Variants in SAMD4B observed in about 807,000 individuals in gnomAD.
SAMD4B encodes protein Smaug homolog 2.
A neutral mutation model predicts 74.5 loss-of-function variants in SAMD4B; 5 were observed. The ratio of observed to expected loss-of-function variants is 0.07; its 90% CI spans 0.04 to 0.14. The LOEUF (loss-of-function observed/expected upper bound fraction) is 0.14. Among genes scored for constraint, SAMD4B ranks in the 10% least tolerant of loss-of-function variants. The pLI, the probability that SAMD4B is intolerant of heterozygous loss-of-function variation, is 1.00. For synonymous variants in SAMD4B, 373 were observed against 374.9 expected (o/e 1.00, Z 0.06); for missense variants, 608 against 921.8 (o/e 0.66, Z 4.41).
chr19:39,379,750 T>C (rs1057054699), intron 9 of SAMD4B, among the ~76,000 whole-genome samples: 1 of 152,128 alleles, frequency 6.6e-6, no homozygotes, highest in South Asian at 2.1e-4. Flanking sequence ...TTTGTACTTT[T>C]AGTAGAGGTG....
intron 5 of SAMD4B, 78 bp from the exon 6 acceptor site, chr19:39,376,358 GT>G: frequency 8.1e-7 from 1 of 1,239,078 alleles, no homozygotes. Context: ...CTTCCTGTGG[GT>G]TTATCCCCAC....
chr19:39,356,791 C>T lies in SAMD4B; in HGVS notation c.-103C>T. ...CCACGCCCAGAAACGTCCTTAAGCCCTGGCCCTCAGGGGAAAGGTAACAGG... is the reference window on the plus strand; with the variant it reads ...CCACGCCCAGAAACGTCCTTAAGCCTTGGCCCTCAGGGGAAAGGTAACAGG... On this transcript the variant is annotated 5_prime_UTR_variant, in exon 3 of 14. Transcript: ENST00000610417. 2 of 1,005,930 alleles carry T rather than the reference C, an allele frequency of 2.0e-6. No individual in the cohort carries two copies. The highest frequency in any genetic ancestry group is 2.9e-6 in the Non-Finnish European group (2 of 698,366). 62.3% of individuals were successfully genotyped at this position (1,005,930 alleles called of 1,614,324 possible).
At chr19:39,368,101 C>G (rs978786202) in intron 3 of SAMD4B, among the ~76,000 whole-genome samples, 2 of 151,906 alleles carry the variant, frequency 1.3e-5, no homozygotes, top group African/African-American at 4.8e-5. Flanking sequence ...GTAGTCCCAG[C>G]TACTCGGGAG....
At position 39,356,799 on chromosome 19, in the gene SAMD4B, CAG is replaced by C. The variant is rs986108249; in HGVS notation, c.-94_-93del. The C allele has an allele frequency of 1.0e-5, 11 of 1,096,290 alleles. No homozygotes were observed. The highest frequency in any genetic ancestry group is 5.7e-5 in the Admixed American group (2 of 35,038). The allele number at this position is 1,096,290 out of a possible 1,614,324, so 67.9% of individuals were successfully genotyped here. A position where few individuals can be genotyped will look rare whatever the true frequency, so the allele number is the denominator to read the frequency against. On this transcript the variant is annotated 5_prime_UTR_variant, in exon 3 of 14. Coordinates refer to ENST00000610417, the MANE Select transcript of SAMD4B (RefSeq NM_001384574.2). ...AGAAACGTCCTTAAGCCCTGGCCCT[CAG>C]GGGAAAGGTAACAGGAGGCCAGAGC...
chr19:39,390,369 A>G, downstream of SAMD4B: 1 of 1,334,342 alleles, frequency 7.5e-7, no homozygotes, highest in Non-Finnish European at 1.0e-6. Flanking sequence ...CCAACCTTTC[A>G]AAAGGTAGGA....
downstream of SAMD4B, chr19:39,386,374 CACT>C (rs2078249463): frequency 3.1e-6 from 5 of 1,614,174 alleles, no homozygotes; most frequent in Non-Finnish European, 3.4e-6. This position sits in a 1 kb window ranked among gnomAD's most constrained non-coding sequence, Gnocchi z 6.1. Flanking sequence ...CCCTCCTTCT[CACT>C]GCTGCTGCCC....
At chr19:39,390,648 C>CG (rs1469661791), downstream of SAMD4B, among the ~76,000 whole-genome samples, 1 of 152,206 alleles carries the variant, frequency 6.6e-6, no homozygotes, top group Non-Finnish European at 1.5e-5. Context: ...AATCCCTGAA[C>CG]TGCACGGCGG....
rs572971217 is a variant in SAMD4B at position 39,378,959 on chromosome 19, G to A, written c.1530+370G>A. 2.0e-5 allele frequency among the ~76,000 whole-genome samples: 3 copies of A among 152,306 alleles called. No individual in the cohort carries two copies. Among genetic ancestry groups the A allele is most frequent in the South Asian group, 4.1e-4 (2 of 4,832 alleles). On this transcript the variant is annotated intron_variant, in intron 9 of 13. Coordinates refer to ENST00000610417, the MANE Select transcript of SAMD4B (RefSeq NM_001384574.2). The surrounding 1 kb of genome is among the most constrained non-coding windows in gnomAD (Gnocchi z 4.4). The stretch of plus-strand genomic sequence containing the variant: ...TGTGGCCCATAGGGCCTTACCTGAC[G>A]TGGCACATGCCAGCCCTTCCAGTCT...
rs184771116 is a variant in SAMD4B at position 39,361,058 on chromosome 19, C to T, written c.196+3969C>T. On this transcript the variant is annotated intron_variant, in intron 3 of 13. Coordinates refer to ENST00000610417, the MANE Select transcript of SAMD4B (RefSeq NM_001384574.2). ...CTGACCCTCTCGGGCCTCAGGATCC[C>T]CATTTGGACAGTGAGGGGGTTGTTC... Among the ~76,000 whole-genome samples the T allele has an allele frequency of 3.0e-3, 452 of 152,256 alleles. 2 individuals carry two copies. Among genetic ancestry groups the T allele is most frequent in the Non-Finnish European group, 5.0e-3 (337 of 68,008 alleles).
chr19:39,386,634 C>A (rs1195380739), downstream of SAMD4B: 1 of 1,603,906 alleles, frequency 6.2e-7, no homozygotes, highest in African/African-American at 1.3e-5. The surrounding 1 kb of genome is among the most constrained non-coding windows in gnomAD (Gnocchi z 6.1). Flanking sequence ...TTGTCCCCCT[C>A]CTCACCTACA....
chr19:39,343,669 A>G (rs761680944), intron 1 of SAMD4B, among the ~76,000 whole-genome samples: 1 of 150,764 alleles, frequency 6.6e-6, no homozygotes, highest in African/African-American at 2.4e-5. Flanking sequence ...CACTCATTCT[A>G]AAAATCTCCA....
Position 39,356,724 on chromosome 19 carries a change from C to G in SAMD4B, c.-170C>G, listed in dbSNP as rs547757321. On this transcript the variant is annotated 5_prime_UTR_variant, in exon 3 of 14. Transcript: ENST00000610417. ...AGGCGTGGCTGGACCAAGACCTCCC[C>G]CCATGTGAGCAGGCTTCCTCCTCCC... The G allele has an allele frequency of 8.8e-6, 5 of 570,196 alleles. No homozygotes were observed. The highest frequency in any genetic ancestry group is 4.6e-4 in the Middle Eastern group (1 of 2,182). 35.3% of individuals were successfully genotyped at this position (570,196 alleles called of 1,614,324 possible). A position where few individuals can be genotyped will look rare whatever the true frequency, so the allele number is the denominator to read the frequency against.
At chr19:39,349,387 T>C (rs2075890072) in intron 1 of SAMD4B, among the ~76,000 whole-genome samples, 1 of 152,176 alleles carries the variant, frequency 6.6e-6, no homozygotes, top group Admixed American at 6.5e-5. Flanking sequence ...GGAAGAATGC[T>C]AGCTTCCTCT....
At chr19:39,355,438 G>T (rs931589248) in intron 2 of SAMD4B, among the ~76,000 whole-genome samples, 8 of 152,168 alleles carry the variant, frequency 5.3e-5, no homozygotes, top group Admixed American at 1.3e-4. Context: ...CTCAGCAAGC[G>T]CACGGAAGTT....
chr19:39,353,920 A>G (rs1402594448), intron 1 of SAMD4B, 86 bp from the exon 2 acceptor site: 2 of 152,168 alleles, frequency 1.3e-5, no homozygotes, highest in African/African-American at 4.8e-5. Flanking sequence ...CATGTTTTTA[A>G]TAGATACGTT....
Position 39,356,851 on chromosome 19 carries a change from C to T in SAMD4B, c.-43C>T, listed in dbSNP as rs1410333964. 2.6e-6 allele frequency: 4 copies of T among 1,537,274 alleles called. No homozygotes were observed. Among genetic ancestry groups the T allele is most frequent in the Non-Finnish European group, 2.7e-6 (3 of 1,129,358 alleles). On this transcript the variant is annotated 5_prime_UTR_variant, in exon 3 of 14. Transcript: ENST00000610417. ...CCGGGACCATGTGACGGCGCTGGCC[C>T]TCGCCACCGCCGTCCCCCGACCCTG...
chr19:39,355,749 T>TA (rs1210453249), intron 2 of SAMD4B, among the ~76,000 whole-genome samples: 1 of 152,224 alleles, frequency 6.6e-6, no homozygotes, highest in Non-Finnish European at 1.5e-5. Flanking sequence ...AGTTCCTGCC[T>TA]AAGAGGGGAA....
intron 12 of SAMD4B, among the ~76,000 whole-genome samples, chr19:39,381,633 G>A (rs1479439136): frequency 6.6e-6 from 1 of 152,172 alleles, no homozygotes; most frequent in African/African-American, 2.4e-5. Flanking sequence ...AGACCATCCT[G>A]GAGATGGGAG....
chr19:39,381,337 C>T (rs768915229), intron 12 of SAMD4B: 6 of 518,788 alleles, frequency 1.2e-5, no homozygotes, highest in Non-Finnish European at 1.7e-5. Flanking sequence ...GTCATCATCT[C>T]TCACCCCTTA....
Sources: gnomAD v4.1 joint callset for allele counts (sites outside exome capture counted in the v4.1 genomes callset) on GRCh38, gnomAD v4.1.1 for gene constraint, Gnocchi (gnomAD v3.1) non-coding constraint, MANE v1.5 for transcripts, NCBI Gene and HGNC (gene_info 2026-07-23, HGNC 2026-07-21) for gene names.